The following TRPM3 variants were observed in gnomAD, a reference collection of about 807,000 sequenced individuals.
TRPM3 encodes the protein long transient receptor potential channel 3.
Under a neutral mutation model 181.2 loss-of-function variants are expected in TRPM3, and 77 were observed. The observed-to-expected ratio is 0.42, with a 90% CI of 0.35 to 0.51. The LOEUF (loss-of-function observed/expected upper bound fraction) is 0.51, where lower values mean the gene tolerates loss of function less well. Ranked by LOEUF, TRPM3 falls within the 20% of genes least tolerant of loss-of-function variation. The probability of loss-of-function intolerance (pLI) is 0.01; values close to 1 mark genes in which losing one functional copy is unlikely to be tolerated. For synonymous variants in TRPM3, 745 were observed against 796.4 expected (o/e 0.94, Z 1.09); for missense variants, 1,759 against 2,196.7 (o/e 0.80, Z 3.98).
chr9:70,530,723 T>A lies in TRPM3; in HGVS notation c.*5230A>T, dbSNP rs186188617. On this transcript the variant is annotated 3_prime_UTR_variant, in exon 26 of 26. Transcript: ENST00000677713. ...GGAATTAAAAGAAAAAAATTGCTTT[T>A]CCTTAATTGGAACCAGCCTTTCTTT... The A allele has an allele frequency of 1.3e-5, 2 of 152,308 alleles. No individual in the cohort carries two copies. The highest frequency in any genetic ancestry group is 3.9e-4 in the East Asian group (2 of 5,188). The allele number at this position is 152,308 out of a possible 1,614,324, so 9.4% of individuals were successfully genotyped here.
At chr9:71,139,396 C>T (rs2074964237) in intron 1 of TRPM3, among the ~76,000 whole-genome samples, 1 of 152,152 alleles carries the variant, frequency 6.6e-6, no homozygotes, top group Admixed American at 6.5e-5. Context: ...AATTTCCACT[C>T]ATCTTAATTG....
At chr9:71,223,246 A>G (rs4745075) in intron 1 of TRPM3, among the ~76,000 whole-genome samples, 65,251 of 151,976 alleles carry the variant, frequency 0.43, 14,419 homozygotes, top group East Asian at 0.52. Flanking sequence ...GGCACCAGTC[A>G]GAGTCATGAG....
At chr9:70,638,507 CTCCTTGGT>C (rs2057562408) in intron 11 of TRPM3, among the ~76,000 whole-genome samples, 1 of 152,120 alleles carries the variant, frequency 6.6e-6, no homozygotes, top group African/African-American at 2.4e-5. Context: ...CCTATGATTA[CTCCTTGGT>C]ATCCCTAGTG....
At chr9:70,867,161 T>C (rs184544978) in intron 1 of TRPM3, among the ~76,000 whole-genome samples, 2 of 152,202 alleles carry the variant, frequency 1.3e-5, no homozygotes, top group East Asian at 1.9e-4. Context: ...TACTCTGCTA[T>C]GTCTTCTTCT....
At chr9:71,046,180 T>G (rs988008741) in intron 1 of TRPM3, among the ~76,000 whole-genome samples, 1 of 152,054 alleles carries the variant, frequency 6.6e-6, no homozygotes, top group Non-Finnish European at 1.5e-5. Flanking sequence ...AGAGATGGGG[T>G]TTCACTATCC....
At chr9:71,416,157 G>A (rs139878558) in intron 1 of TRPM3, among the ~76,000 whole-genome samples, 11 of 151,706 alleles carry the variant, frequency 7.3e-5, no homozygotes, top group African/African-American at 2.7e-4. Context: ...TTTGGGATTT[G>A]GCACCTGTTA....
intron 1 of TRPM3, among the ~76,000 whole-genome samples, chr9:71,375,963 T>C (rs2092655560): frequency 6.7e-6 from 1 of 149,380 alleles, no homozygotes. Context: ...TTTGTGTAAC[T>C]ATTGCAGTAG....
intron 1 of TRPM3, among the ~76,000 whole-genome samples, chr9:70,923,021 A>G (rs556935451): frequency 1.3e-5 from 2 of 152,338 alleles, no homozygotes; most frequent in East Asian, 3.9e-4. Flanking sequence ...AGAAAAAGCC[A>G]TTGATCTTTC....
At chr9:71,008,443 G>T (rs2097702342) in intron 1 of TRPM3, among the ~76,000 whole-genome samples, 1 of 151,960 alleles carries the variant, frequency 6.6e-6, no homozygotes, top group Admixed American at 6.6e-5. Flanking sequence ...CCAAAATCAG[G>T]CAAGGACACA....
chr9:71,168,774 T>C (rs777981146), intron 1 of TRPM3, among the ~76,000 whole-genome samples: 56 of 151,678 alleles, frequency 3.7e-4, no homozygotes, highest in South Asian at 8.3e-4. Context: ...AGGTCATAAA[T>C]ATAAATGCCT....
At chr9:71,084,443 A>C (rs1243479100) in intron 1 of TRPM3, among the ~76,000 whole-genome samples, 5 of 152,074 alleles carry the variant, frequency 3.3e-5, no homozygotes, top group Non-Finnish European at 7.4e-5. Flanking sequence ...TACAAAATCA[A>C]CGTACAAAAA....
intron 1 of TRPM3, among the ~76,000 whole-genome samples, chr9:71,082,614 A>C (rs2064548537): frequency 6.6e-6 from 1 of 152,188 alleles, no homozygotes. Context: ...TGTGAACTAC[A>C]CACTCCATAA....
intron 1 of TRPM3, among the ~76,000 whole-genome samples, chr9:71,097,596 C>G (rs992873761): frequency 6.6e-6 from 1 of 151,558 alleles, no homozygotes; most frequent in Non-Finnish European, 1.5e-5. Flanking sequence ...CCTCTAAAAC[C>G]AAATATATTC....
chr9:71,007,093 GAA>G (rs71507021), intron 1 of TRPM3, among the ~76,000 whole-genome samples: 17 of 94,050 alleles, frequency 1.8e-4, no homozygotes, highest in South Asian at 3.5e-4. Flanking sequence ...GTCAGGAACA[GAA>G]AAAAAAAAAA....
At chr9:71,275,168 C>T (rs55819358) in intron 1 of TRPM3, among the ~76,000 whole-genome samples, 338 of 152,240 alleles carry the variant, frequency 2.2e-3, no homozygotes, top group Non-Finnish European at 3.1e-3. Context: ...AATCTTCCAA[C>T]GAATTATGAC....
chr9:70,615,790 T>C, intron 18 of TRPM3, 118 bp downstream of exon 18: 1 of 1,063,602 alleles, frequency 9.4e-7, no homozygotes, highest in Non-Finnish European at 1.4e-6. Context: ...TGATTAAACC[T>C]GGTGGAAGGC....
At chr9:70,637,251 T>C (rs1441483411) in intron 11 of TRPM3, among the ~76,000 whole-genome samples, 1 of 152,204 alleles carries the variant, frequency 6.6e-6, no homozygotes. Context: ...TCACTTTATC[T>C]GATGGGGTTG....
At chr9:70,975,928 A>C (rs937784458) in intron 1 of TRPM3, among the ~76,000 whole-genome samples, 3 of 152,150 alleles carry the variant, frequency 2.0e-5, no homozygotes, top group Admixed American at 6.5e-5. Context: ...GAATTCAATT[A>C]ATTTACCCAA....
chr9:71,409,257 A>G (rs1472237519), intron 1 of TRPM3, among the ~76,000 whole-genome samples: 1 of 152,172 alleles, frequency 6.6e-6, no homozygotes, highest in African/African-American at 2.4e-5. Context: ...CACATATAAC[A>G]ATATTAACCT....
Sources: allele counts gnomAD v4.1 joint callset (sites outside exome capture counted in the v4.1 genomes callset), GRCh38; gene constraint gnomAD v4.1.1; transcripts MANE v1.5; gene names NCBI Gene and HGNC (gene_info 2026-07-23, HGNC 2026-07-21).